Variants in MRTFA observed in about 807,000 individuals in gnomAD.
MRTFA encodes the protein myocardin related transcription factor A.
Under a neutral mutation model 83.5 loss-of-function variants are expected in MRTFA, and 20 were observed. That is an observed-to-expected ratio of 0.24 (90% CI 0.17 to 0.35). MRTFA has a LOEUF of 0.35. MRTFA is among the 10% of genes least tolerant of loss of function. The probability of loss-of-function intolerance (pLI) is 1.00; values close to 1 mark genes in which losing one functional copy is unlikely to be tolerated. For missense variants in MRTFA, 1,200 were observed against 1,224.7 expected (o/e 0.98, Z 0.30); for synonymous variants, 659 against 541.2 (o/e 1.22, Z -3.02).
chr22:40,424,447 T>C, intron 7 of MRTFA, 66 bp from the exon 8 acceptor site: 8 of 1,543,594 alleles, frequency 5.2e-6, no homozygotes, highest in Non-Finnish European at 7.0e-6. Flanking sequence ...GGGACAGGCC[T>C]GGCTCGCAGG....
chr22:40,631,602 T>G (rs960764141), intron 1 of MRTFA, among the ~76,000 whole-genome samples: 11 of 152,144 alleles, frequency 7.2e-5, no homozygotes, highest in African/African-American at 2.4e-4. Flanking sequence ...TATCACTAAG[T>G]TACTGTTTTC....
At chr22:40,478,199 A>C (rs1002561189) in intron 3 of MRTFA, among the ~76,000 whole-genome samples, 1 of 152,164 alleles carries the variant, frequency 6.6e-6, no homozygotes, top group African/African-American at 2.4e-5. Flanking sequence ...CTATTGACCA[A>C]CCATCTACAA....
chr22:40,410,980 G>A lies in MRTFA; in HGVS notation c.*410C>T, dbSNP rs1490028165. 3.3e-5 allele frequency: 8 copies of A among 239,524 alleles called. No individual in the cohort carries two copies. Among genetic ancestry groups the A allele is most frequent in the Non-Finnish European group, 5.7e-5 (7 of 122,890 alleles). 14.8% of individuals were successfully genotyped at this position (239,524 alleles called of 1,614,324 possible). A position where few individuals can be genotyped will look rare whatever the true frequency, so the allele number is the denominator to read the frequency against. On this transcript the variant is annotated 3_prime_UTR_variant, in exon 15 of 15. Transcript: ENST00000355630. ...TAATTTCTCCCTTCACAGCAAAGCAGGGAGAGAAAGGAAGGAGATTCACCC... is the reference window on the plus strand; with the variant it reads ...TAATTTCTCCCTTCACAGCAAAGCAAGGAGAGAAAGGAAGGAGATTCACCC...
rs112023360 is a variant in MRTFA at position 40,470,231 on chromosome 22, T to A, written c.242-6945A>T. ...ACAGCAAGACCCCATCTCCAAAATT[T>A]TATATATATATATATATATATATAT... is the stretch of plus-strand genomic sequence containing the variant. On this transcript the variant is annotated intron_variant, in intron 3 of 14. Transcript: ENST00000355630. Among the ~76,000 whole-genome samples, 358 of 45,644 alleles carry A rather than the reference T, an allele frequency of 7.8e-3. 13 individuals are homozygous for A. The highest frequency in any genetic ancestry group is 0.043 in the African/African-American group (259 of 6,042). The allele number at this position is 45,644 out of a possible 152,430, so 29.9% of individuals were successfully genotyped here.
intron 3 of MRTFA, among the ~76,000 whole-genome samples, chr22:40,540,702 G>A (rs989807533): frequency 2.0e-5 from 3 of 147,556 alleles, no homozygotes; most frequent in African/African-American, 7.4e-5. Context: ...GCTTGAATGC[G>A]TGAGGTTAAG....
intron 2 of MRTFA, among the ~76,000 whole-genome samples, chr22:40,594,179 C>T (rs1211800113): frequency 6.6e-6 from 1 of 152,184 alleles, no homozygotes; most frequent in East Asian, 1.9e-4. Context: ...TCATCAGTAA[C>T]AAAATTTACA....
chr22:40,420,103 G>T (rs1460139643), intron 11 of MRTFA, among the ~76,000 whole-genome samples: 1 of 152,240 alleles, frequency 6.6e-6, no homozygotes, highest in African/African-American at 2.4e-5. Context: ...CACACTGCAT[G>T]CAACACGTAA....
intron 3 of MRTFA, among the ~76,000 whole-genome samples, chr22:40,464,268 C>G (rs1353626196): frequency 7.0e-6 from 1 of 142,654 alleles, no homozygotes; most frequent in African/African-American, 2.6e-5. Flanking sequence ...ACTACTCTCT[C>G]TCACTCCAGC....
intron 4 of MRTFA, among the ~76,000 whole-genome samples, chr22:40,440,151 C>CAA (rs376161982): frequency 2.7e-4 from 19 of 70,620 alleles, no homozygotes; most frequent in Non-Finnish European, 4.0e-4. Context: ...GACTCCGTCT[C>CAA]AAAAAAAAAA....
chr22:40,595,099 T>C (rs1340068695), intron 1 of MRTFA, among the ~76,000 whole-genome samples: 3 of 151,590 alleles, frequency 2.0e-5, no homozygotes, highest in African/African-American at 4.8e-5. Flanking sequence ...ACTGCTCTTA[T>C]TGGTGTTGAT....
chr22:40,567,818 A>G (rs2055728269), intron 2 of MRTFA, among the ~76,000 whole-genome samples: 1 of 152,186 alleles, frequency 6.6e-6, no homozygotes, highest in Non-Finnish European at 1.5e-5. Flanking sequence ...TCACATGACA[A>G]TGGGGCATTT....
At chr22:40,543,463 T>C (rs1156316051) in intron 3 of MRTFA, among the ~76,000 whole-genome samples, 2 of 152,188 alleles carry the variant, frequency 1.3e-5, no homozygotes, top group Non-Finnish European at 2.9e-5. Context: ...CCCTTTTCAC[T>C]CCCATTTTCC....
At chr22:40,529,601 T>C (rs2055039852) in intron 3 of MRTFA, among the ~76,000 whole-genome samples, 1 of 152,124 alleles carries the variant, frequency 6.6e-6, no homozygotes, top group Non-Finnish European at 1.5e-5. Flanking sequence ...ATATTTTTAA[T>C]AATAAAACAA....
intron 2 of MRTFA, among the ~76,000 whole-genome samples, chr22:40,584,730 CAAAA>C (rs58633243): frequency 1.8e-5 from 1 of 57,004 alleles, no homozygotes; most frequent in African/African-American, 6.6e-5. Context: ...GACTCTGTCT[CAAAA>C]AAAAAAAAAA....
intron 3 of MRTFA, among the ~76,000 whole-genome samples, chr22:40,491,664 G>A (rs1002729700): frequency 1.4e-4 from 21 of 152,128 alleles, no homozygotes; most frequent in African/African-American, 4.8e-4. Context: ...GAGTAATTCC[G>A]CCTTATTAAA....
At chr22:40,487,369 T>C (rs951163223) in intron 3 of MRTFA, among the ~76,000 whole-genome samples, 2 of 152,228 alleles carry the variant, frequency 1.3e-5, no homozygotes, top group African/African-American at 4.8e-5. Flanking sequence ...CGTATCTCAT[T>C]TGACCCTATG....
intron 3 of MRTFA, among the ~76,000 whole-genome samples, chr22:40,486,724 T>C (rs1056919749): frequency 6.6e-6 from 1 of 152,210 alleles, no homozygotes; most frequent in Admixed American, 6.6e-5. Context: ...GCAGTGTGGC[T>C]CACGCCTCTA....
intron 4 of MRTFA, chr22:40,439,865 G>C (rs1012685546): frequency 1.3e-5 from 2 of 152,672 alleles, no homozygotes; most frequent in African/African-American, 2.4e-5. Flanking sequence ...AAGAATTCAA[G>C]ATAGGGCCAG....
At chr22:40,535,484 C>T (rs1056051238) in intron 3 of MRTFA, among the ~76,000 whole-genome samples, 7 of 150,370 alleles carry the variant, frequency 4.7e-5, no homozygotes, top group Non-Finnish European at 1.0e-4. Flanking sequence ...TCCCAAGTAG[C>T]TGGGACTACA....
Sources: gnomAD v4.1 joint callset for allele counts (sites outside exome capture counted in the v4.1 genomes callset) on GRCh38, gnomAD v4.1.1 for gene constraint, MANE v1.5 for transcripts, NCBI Gene and HGNC (gene_info 2026-07-23, HGNC 2026-07-21) for gene names.